Variants in CCDC138 observed in about 807,000 individuals in gnomAD.
CCDC138 encodes coiled-coil domain containing 138.
Under a neutral mutation model 82.3 loss-of-function variants are expected in CCDC138, and 66 were observed. That is an observed-to-expected ratio of 0.80 (90% CI 0.66 to 0.98). The LOEUF is 0.98. CCDC138 is among the 50% of genes least tolerant of loss of function. The pLI, the probability that CCDC138 is intolerant of heterozygous loss-of-function variation, is 0.00. For missense variants in CCDC138, 816 were observed against 758.9 expected (o/e 1.08, Z -0.88); for synonymous variants, 297 against 265.4 (o/e 1.12, Z -1.16).
chr2:108,855,837 A>T (rs144876844), intron 12 of CCDC138, among the ~76,000 whole-genome samples: 1 of 152,354 alleles, frequency 6.6e-6, no homozygotes, highest in East Asian at 1.9e-4. Context: ...AAAAGAGTAA[A>T]TTTTAATACG....
intron 11 of CCDC138, among the ~76,000 whole-genome samples, chr2:108,842,015 G>C (rs1689569423): frequency 6.6e-6 from 1 of 151,916 alleles, no homozygotes; most frequent in Non-Finnish European, 1.5e-5. Context: ...TGGAAGTAAA[G>C]GGTTTTTCTT....
chr2:108,864,162 G>T (rs563193961), intron 13 of CCDC138, among the ~76,000 whole-genome samples: 1 of 151,090 alleles, frequency 6.6e-6, no homozygotes, highest in African/African-American at 2.4e-5. Context: ...CTCATATTTT[G>T]TGAAAAAAAA....
At position 108,789,037 on chromosome 2, in the gene CCDC138, A is replaced by G. The variant is rs535829261; in HGVS notation, c.266+71A>G. 3.2e-6 allele frequency: 5 copies of G among 1,548,150 alleles called. No individual in the cohort carries two copies. The South Asian group carries it at 5.7e-5, about 18-fold the overall frequency. The stretch of plus-strand genomic sequence containing the variant: ...AAAAAACTGAGAAAGAGAAAAGGGC[A>G]GGTTATATTTTTGCTCTTTCCTGAG... On this transcript the variant is annotated intron_variant, in intron 3 of 14. Transcript: ENST00000295124.
downstream of CCDC138, among the ~76,000 whole-genome samples, chr2:108,879,929 T>C (rs1197480725): frequency 6.6e-6 from 1 of 152,220 alleles, no homozygotes; most frequent in Non-Finnish European, 1.5e-5. Flanking sequence ...AGAAGATTTT[T>C]ATTTTCAGCA....
intron 10 of CCDC138, among the ~76,000 whole-genome samples, chr2:108,833,597 A>G (rs137922437): frequency 9.6e-4 from 147 of 152,354 alleles, no homozygotes; most frequent in African/African-American, 3.3e-3. Flanking sequence ...TAAAAGGACA[A>G]ATGGTAAATA....
At chr2:108,844,126 G>T (rs547875768) in intron 11 of CCDC138, among the ~76,000 whole-genome samples, 1 of 152,036 alleles carries the variant, frequency 6.6e-6, no homozygotes, top group South Asian at 2.1e-4. Context: ...CTCCCAAAGT[G>T]CCGGGAGTGC....
intron 3 of CCDC138, 66 bp downstream of exon 3, chr2:108,789,032 AG>A: frequency 6.4e-7 from 1 of 1,559,484 alleles, no homozygotes; most frequent in Non-Finnish European, 8.8e-7. Context: ...GAAAGAGAAA[AG>A]GGCAGGTTAT....
chr2:108,811,247 C>CTCTTTTTTTTTTTTTTTT (rs760937756), intron 7 of CCDC138, among the ~76,000 whole-genome samples: 5 of 113,934 alleles, frequency 4.4e-5, no homozygotes, highest in Admixed American at 9.9e-5. Flanking sequence ...TTCTCTCTCT[C>CTCTTTTTTTTTTTTTTTT]TTTTTTTTTT....
chr2:108,811,664 G>C (rs1683895908), intron 7 of CCDC138, among the ~76,000 whole-genome samples: 1 of 151,990 alleles, frequency 6.6e-6, no homozygotes, highest in Non-Finnish European at 1.5e-5. Context: ...TTTGTTACAT[G>C]GATATATTGT....
intron 11 of CCDC138, among the ~76,000 whole-genome samples, chr2:108,841,209 T>C (rs1438334472): frequency 6.6e-6 from 1 of 152,140 alleles, no homozygotes; most frequent in African/African-American, 2.4e-5. Flanking sequence ...ATTGTTGAGG[T>C]TGTTTTATGG....
intron 10 of CCDC138, among the ~76,000 whole-genome samples, chr2:108,831,036 A>G (rs183216518): frequency 6.6e-6 from 1 of 152,076 alleles, no homozygotes; most frequent in East Asian, 1.9e-4. Flanking sequence ...TTAGCCAGGC[A>G]TGGTGGTGCA....
At chr2:108,880,224 C>CAAA (rs3028925), downstream of CCDC138, among the ~76,000 whole-genome samples, 3,615 of 50,318 alleles carry the variant, frequency 0.072, 148 homozygotes, top group African/African-American at 0.18. Context: ...CAAAAACAAA[C>CAAA]AAAAAAAAAA....
chr2:108,795,762 G>A (rs1680760379), intron 5 of CCDC138, among the ~76,000 whole-genome samples: 1 of 152,156 alleles, frequency 6.6e-6, no homozygotes, highest in South Asian at 2.1e-4. Flanking sequence ...GGAAATGAGA[G>A]GTGTTCTGAA....
intron 7 of CCDC138, 40 bp from the exon 8 acceptor site, chr2:108,812,591 A>G (rs1401491471): frequency 2.8e-6 from 4 of 1,445,182 alleles, no homozygotes; most frequent in South Asian, 2.3e-5. Context: ...AAACCAGTTG[A>G]AGGTGTATAT....
intron 5 of CCDC138, 93 bp downstream of exon 5, chr2:108,794,814 ATTACT>A (rs1680586912): frequency 5.1e-6 from 5 of 982,412 alleles, no homozygotes; most frequent in Non-Finnish European, 7.4e-6. Context: ...TTTCATTTTA[ATTACT>A]TTAGATAAGT....
chr2:108,837,004 A>G (rs1688674274), intron 10 of CCDC138, among the ~76,000 whole-genome samples: 1 of 152,054 alleles, frequency 6.6e-6, no homozygotes, highest in Non-Finnish European at 1.5e-5. Flanking sequence ...GCCATCTGAG[A>G]AGAGAGATGA....
chr2:108,793,717 C>T (rs1383912890), intron 4 of CCDC138, among the ~76,000 whole-genome samples: 1 of 151,936 alleles, frequency 6.6e-6, no homozygotes, highest in African/African-American at 2.4e-5. Context: ...CTGCCTCAGC[C>T]TCCCGAGTAG....
intron 12 of CCDC138, among the ~76,000 whole-genome samples, chr2:108,853,891 G>C (rs1472485120): frequency 9.2e-6 from 1 of 108,710 alleles, no homozygotes; most frequent in Non-Finnish European, 1.8e-5. Flanking sequence ...ATATTATATA[G>C]TATATATATT....
At chr2:108,870,892 G>A (rs1208876265) in intron 13 of CCDC138, among the ~76,000 whole-genome samples, 1 of 152,076 alleles carries the variant, frequency 6.6e-6, no homozygotes, top group East Asian at 1.9e-4. Context: ...GGAGATGGAT[G>A]GTTGCACAGT....
Sources: allele counts gnomAD v4.1 joint callset (sites outside exome capture counted in the v4.1 genomes callset), GRCh38; gene constraint gnomAD v4.1.1; transcripts MANE v1.5; gene names NCBI Gene and HGNC (gene_info 2026-07-23, HGNC 2026-07-21).